The following COG5 variants were observed in gnomAD, a reference collection of about 807,000 sequenced individuals.
The protein encoded by COG5 is conserved oligomeric Golgi complex subunit 5.
Under a neutral mutation model 110.4 loss-of-function variants are expected in COG5, and 86 were observed. The observed-to-expected ratio is 0.78, with a 90% confidence interval of 0.65 to 0.93. The LOEUF (loss-of-function observed/expected upper bound fraction) is 0.93, where lower values mean the gene tolerates loss of function less well. COG5 is among the 40% of genes least tolerant of loss of function. The pLI is 0.00. For synonymous variants in COG5, 360 were observed against 334.6 expected (o/e 1.08, Z -0.83); for missense variants, 1,077 against 987.0 (o/e 1.09, Z -1.22).
chr7:107,412,951 C>T (rs1306403898), intron 6 of COG5, among the ~76,000 whole-genome samples: 1 of 151,644 alleles, frequency 6.6e-6, no homozygotes, highest in Non-Finnish European at 1.5e-5. Context: ...AATAAATATT[C>T]TCACATTTTC....
At chr7:107,506,783 C>A (rs1472046709) in intron 6 of COG5, among the ~76,000 whole-genome samples, 2 of 152,240 alleles carry the variant, frequency 1.3e-5, no homozygotes, top group Non-Finnish European at 2.9e-5. Context: ...CTGGGGCACC[C>A]AGCTCCCTAG....
At chr7:107,419,894 A>G (rs754500257) in intron 6 of COG5, among the ~76,000 whole-genome samples, 162 of 152,180 alleles carry the variant, frequency 1.1e-3, no homozygotes, top group Non-Finnish European at 3.1e-4. Context: ...AAATGGGAAG[A>G]TAACCAAAGC....
chr7:107,278,953 A>G (rs1411381775), intron 14 of COG5, among the ~76,000 whole-genome samples: 2 of 152,124 alleles, frequency 1.3e-5, no homozygotes, highest in South Asian at 2.1e-4. Context: ...TAATTAAACT[A>G]AAGAGCTTCT....
At chr7:107,324,662 T>C in intron 10 of COG5, 141 bp from the exon 11 acceptor site, 1 of 557,646 alleles carries the variant, frequency 1.8e-6, no homozygotes, top group Non-Finnish European at 3.2e-6. Flanking sequence ...ACAATAGAAT[T>C]ATTAATTAAA....
intron 2 of COG5, among the ~76,000 whole-genome samples, chr7:107,556,834 G>A (rs1803360267): frequency 7.3e-5 from 11 of 151,342 alleles, no homozygotes; most frequent in Admixed American, 4.6e-4. Flanking sequence ...GCAATGGCAC[G>A]ATCTCGGCTC....
chr7:107,490,109 T>A lies in COG5; in HGVS notation c.538+37128A>T, dbSNP rs182528768. On this transcript the variant is annotated intron_variant, in intron 6 of 21. Coordinates refer to ENST00000297135, the MANE Select transcript of COG5 (RefSeq NM_006348.5). ...AGGAATAAATTATTTTTAAAAGGAATGATTATGATTTCTCACCTCAACAGA... is the reference window on the plus strand; with the variant it reads ...AGGAATAAATTATTTTTAAAAGGAAAGATTATGATTTCTCACCTCAACAGA... 4.3e-3 allele frequency among the ~76,000 whole-genome samples: 655 copies of A among 152,342 alleles called. 2 individuals are homozygous for A. Among genetic ancestry groups the A allele is most frequent in the Non-Finnish European group, 7.0e-3 (473 of 68,030 alleles).
intron 6 of COG5, among the ~76,000 whole-genome samples, chr7:107,446,981 G>T (rs576519388): frequency 2.0e-5 from 3 of 152,314 alleles, no homozygotes; most frequent in African/African-American, 7.2e-5. Flanking sequence ...TCTGCTCTGG[G>T]TGTTGCAAAC....
At chr7:107,327,546 T>C (rs1412626829) in intron 10 of COG5, among the ~76,000 whole-genome samples, 1 of 152,094 alleles carries the variant, frequency 6.6e-6, no homozygotes, top group Non-Finnish European at 1.5e-5. Flanking sequence ...ACCATATATC[T>C]AATAAGGAGT....
chr7:107,271,673 A>G (rs530354441), intron 14 of COG5, among the ~76,000 whole-genome samples: 1 of 152,174 alleles, frequency 6.6e-6, no homozygotes, highest in Non-Finnish European at 1.5e-5. Flanking sequence ...ACTAAAAATC[A>G]TAATTCTAGA....
intron 7 of COG5, among the ~76,000 whole-genome samples, chr7:107,405,636 T>C (rs1405320119): frequency 1.3e-5 from 2 of 152,192 alleles, no homozygotes; most frequent in Non-Finnish European, 2.9e-5. Flanking sequence ...TGAACCAGAA[T>C]GTTAATACTG....
intron 11 of COG5, among the ~76,000 whole-genome samples, chr7:107,321,372 T>C (rs1216481464): frequency 6.6e-6 from 1 of 152,170 alleles, no homozygotes; most frequent in East Asian, 1.9e-4. Flanking sequence ...TATTAAACTG[T>C]GAATTCATCA....
chr7:107,321,438 T>C (rs908030547), intron 11 of COG5, among the ~76,000 whole-genome samples: 1 of 152,116 alleles, frequency 6.6e-6, no homozygotes, highest in Non-Finnish European at 1.5e-5. Context: ...AGTCAATTAT[T>C]GGAGGAACAA....
At chr7:107,315,740 A>G (rs1024688186) in intron 11 of COG5, among the ~76,000 whole-genome samples, 4 of 152,178 alleles carry the variant, frequency 2.6e-5, no homozygotes, top group African/African-American at 9.6e-5. Flanking sequence ...TTGCCTGTCT[A>G]TAATTCTAAG....
intron 14 of COG5, among the ~76,000 whole-genome samples, chr7:107,276,666 A>C (rs984287213): frequency 1.3e-5 from 2 of 151,950 alleles, no homozygotes; most frequent in African/African-American, 4.8e-5. Flanking sequence ...CAAACAAAAA[A>C]CCCCAAACTT....
At chr7:107,375,009 T>G (rs183758126) in intron 7 of COG5, among the ~76,000 whole-genome samples, 23 of 152,140 alleles carry the variant, frequency 1.5e-4, no homozygotes, top group Middle Eastern at 3.4e-3. Flanking sequence ...ATCAGCACCT[T>G]TGAATCTTGT....
intron 1 of COG5, among the ~76,000 whole-genome samples, chr7:107,558,526 C>G (rs1803502242): frequency 6.6e-6 from 1 of 151,958 alleles, no homozygotes; most frequent in Admixed American, 6.6e-5. Flanking sequence ...ATAGCTTGAA[C>G]CCGGGAGGCA....
intron 17 of COG5, among the ~76,000 whole-genome samples, chr7:107,243,668 C>T (rs1801829675): frequency 6.6e-6 from 1 of 152,026 alleles, no homozygotes; most frequent in African/African-American, 2.4e-5. Flanking sequence ...GGACCAAATG[C>T]AACTGATAGA....
intron 6 of COG5, among the ~76,000 whole-genome samples, chr7:107,420,669 G>C (rs966611786): frequency 2.6e-5 from 4 of 152,156 alleles, no homozygotes; most frequent in African/African-American, 7.2e-5. Context: ...CACCATGTTA[G>C]CCAGGATGGT....
intron 7 of COG5, among the ~76,000 whole-genome samples, chr7:107,373,994 G>A (rs1337312718): frequency 6.6e-6 from 1 of 151,970 alleles, no homozygotes; most frequent in African/African-American, 2.4e-5. Context: ...AGGAAACATG[G>A]CTGGTGAATA....
Sources: allele counts gnomAD v4.1 joint callset (sites outside exome capture counted in the v4.1 genomes callset), GRCh38; gene constraint gnomAD v4.1.1; transcripts MANE v1.5; gene names NCBI Gene and HGNC (gene_info 2026-07-23, HGNC 2026-07-21).